CA5A: variants seen among roughly 807,000 people sequenced by gnomAD.
The protein encoded by CA5A is carbonic anhydrase 5A, mitochondrial.
CA5A carries 28 observed loss-of-function variants against 37.1 expected under a neutral mutation model. The ratio of observed to expected loss-of-function variants is 0.75; its 90% CI spans 0.56 to 1.03. The LOEUF is 1.03. CA5A is among the 50% of genes least tolerant of loss of function. CA5A has a pLI of 0.00. For synonymous variants in CA5A, 171 were observed against 158.4 expected (o/e 1.08, Z -0.60); for missense variants, 444 against 399.9 (o/e 1.11, Z -0.94).
intron 2 of CA5A, chr16:87,924,110 C>T (rs1272182918): frequency 4.1e-6 from 4 of 985,280 alleles, no homozygotes; most frequent in Non-Finnish European, 4.8e-6. Context: ...CCGAAGCTGG[C>T]CTGGTTTGTG....
At chr16:87,919,614 CA>C (rs1188620828) in intron 2 of CA5A, among the ~76,000 whole-genome samples, 2 of 152,232 alleles carry the variant, frequency 1.3e-5, no homozygotes, top group Non-Finnish European at 2.9e-5. Flanking sequence ...ACGACCCCTG[CA>C]CCCGGTTGCA....
At chr16:87,922,136 G>C (rs1474010475) in intron 2 of CA5A, among the ~76,000 whole-genome samples, 1 of 152,140 alleles carries the variant, frequency 6.6e-6, no homozygotes, top group East Asian at 1.9e-4. Context: ...GCCGACAGGA[G>C]TCTGTGCTCT....
intron 5 of CA5A, among the ~76,000 whole-genome samples, chr16:87,894,657 T>A (rs1163876613): frequency 6.6e-6 from 1 of 151,006 alleles, no homozygotes; most frequent in Non-Finnish European, 1.5e-5. Flanking sequence ...GGCAGGCAGA[T>A]CACCTGAAGT....
chr16:87,893,359 C>A (rs192573714), intron 5 of CA5A: 405 of 414,278 alleles, frequency 9.8e-4, no homozygotes, highest in African/African-American at 7.4e-3. Context: ...GATCTCCTGA[C>A]CTCGTGATCT....
chr16:87,905,092 C>G (rs547027600), intron 2 of CA5A, among the ~76,000 whole-genome samples, 188 bp from the exon 3 acceptor site: 9 of 152,020 alleles, frequency 5.9e-5, no homozygotes, highest in Admixed American at 5.9e-4. Flanking sequence ...ACTCTGCCCC[C>G]CCCCAGCCCA....
intron 2 of CA5A, chr16:87,925,402 GCCGCAACACTGAACCAGTGT>G (rs1371283742): frequency 2.6e-5 from 4 of 152,266 alleles, no homozygotes; most frequent in Non-Finnish European, 5.9e-5. Flanking sequence ...CCCTAAACCA[GCCGCAACACTGAACCAGTGT>G]GACGTGTTCT....
At chr16:87,926,084 A>G (rs1317452722) in intron 2 of CA5A, among the ~76,000 whole-genome samples, 1 of 152,180 alleles carries the variant, frequency 6.6e-6, no homozygotes, top group Non-Finnish European at 1.5e-5. Flanking sequence ...TTAGCTGGGC[A>G]TGGTGGCAGA....
intron 1 of CA5A, among the ~76,000 whole-genome samples, chr16:87,933,847 A>G (rs2079442161): frequency 6.6e-6 from 1 of 152,252 alleles, no homozygotes; most frequent in African/African-American, 2.4e-5. Context: ...TGAATTCCTT[A>G]TGATGTTCCA....
At chr16:87,898,094 G>C (rs1021661929) in intron 5 of CA5A, among the ~76,000 whole-genome samples, 1 of 152,202 alleles carries the variant, frequency 6.6e-6, no homozygotes, top group African/African-American at 2.4e-5. Flanking sequence ...TGGGTCCCCA[G>C]GGAGTGACCG....
chr16:87,924,396 T>C (rs2056273689), intron 2 of CA5A: 21 of 816,760 alleles, frequency 2.6e-5, no homozygotes, highest in Non-Finnish European at 3.1e-5. Flanking sequence ...ATGCACTGTG[T>C]AGGGCCTGGC....
At chr16:87,913,658 C>G (rs1304521418) in intron 2 of CA5A, among the ~76,000 whole-genome samples, 5 of 137,324 alleles carry the variant, frequency 3.6e-5, no homozygotes, top group Non-Finnish European at 7.7e-5. Context: ...CCGTGGCCCC[C>G]CCCTCCTCTC....
At chr16:87,931,229 A>G (rs1330160665) in intron 1 of CA5A, among the ~76,000 whole-genome samples, 1 of 150,290 alleles carries the variant, frequency 6.7e-6, no homozygotes, top group South Asian at 2.1e-4. Flanking sequence ...CTCCTGCCTC[A>G]GTCTCCCGAG....
At chr16:87,904,737 G>C (rs2143962928) in intron 3 of CA5A, 49 bp downstream of exon 3, 1 of 1,146,872 alleles carries the variant, frequency 8.7e-7, no homozygotes, top group Non-Finnish European at 1.3e-6. Context: ...CATAGAGCCG[G>C]AGACATGGAA....
chr16:87,934,068 G>A (rs906887692), intron 1 of CA5A, among the ~76,000 whole-genome samples: 12 of 152,246 alleles, frequency 7.9e-5, no homozygotes, highest in Admixed American at 3.3e-4. Context: ...ACAGGGAAAT[G>A]CTTAAATAGA....
intron 2 of CA5A, among the ~76,000 whole-genome samples, chr16:87,914,887 C>G (rs2056111327): frequency 6.6e-6 from 1 of 152,170 alleles, no homozygotes; most frequent in Non-Finnish European, 1.5e-5. Flanking sequence ...CAGCCATGAG[C>G]CAGGAACAGA....
At chr16:87,918,194 G>A (rs931323991) in intron 2 of CA5A, among the ~76,000 whole-genome samples, 1 of 152,216 alleles carries the variant, frequency 6.6e-6, no homozygotes, top group African/African-American at 2.4e-5. Context: ...TCTACTAAAT[G>A]CTTAATTCTC....
chr16:87,917,212 T>C (rs1465170016), intron 2 of CA5A, among the ~76,000 whole-genome samples: 3 of 152,068 alleles, frequency 2.0e-5, no homozygotes, highest in Non-Finnish European at 4.4e-5. Flanking sequence ...TTGTCCAACA[T>C]GATCGCACCC....
chr16:87,907,439 CTT>C (rs1412253998), intron 2 of CA5A, among the ~76,000 whole-genome samples: 5 of 152,202 alleles, frequency 3.3e-5, no homozygotes, highest in Admixed American at 6.5e-5. Flanking sequence ...GCCTCTCTCT[CTT>C]GGGATGGGCT....
intron 5 of CA5A, 49 bp from the exon 6 acceptor site, chr16:87,892,003 G>A (rs2055723996): frequency 6.8e-7 from 1 of 1,467,070 alleles, no homozygotes; most frequent in Non-Finnish European, 9.0e-7. Flanking sequence ...GGGAGACTAG[G>A]AGCTTCCATC....
Sources: allele counts gnomAD v4.1 joint callset (sites outside exome capture counted in the v4.1 genomes callset), GRCh38; gene constraint gnomAD v4.1.1; transcripts MANE v1.5; gene names NCBI Gene and HGNC (gene_info 2026-07-23, HGNC 2026-07-21).